The following ATP7B variants were observed in gnomAD, a reference collection of about 807,000 sequenced individuals.
ATP7B encodes ATPase copper transporting beta, also known as copper-transporting ATPase 2.
Under a neutral mutation model 118.9 loss-of-function variants are expected in ATP7B, and 113 were observed. The observed-to-expected ratio is 0.95, with a 90% CI of 0.82 to 1.11. ATP7B has a LOEUF of 1.11. ATP7B is among the 50% of genes most tolerant of loss of function. The pLI is 0.00. For synonymous variants in ATP7B, 777 were observed against 727.4 expected (o/e 1.07, Z -1.10); for missense variants, 1,867 against 1,871.4 (o/e 1.00, Z 0.04).
chr13:52,011,480 A>C, upstream of ATP7B: 2 of 984,086 alleles, frequency 2.0e-6, no homozygotes, highest in Non-Finnish European at 1.6e-6. Flanking sequence ...TCTAAAGCAA[A>C]CAGGGGTCCG....
At chr13:51,976,784 G>C (rs1466454477) in intron 1 of ATP7B, among the ~76,000 whole-genome samples, 3 of 152,146 alleles carry the variant, frequency 2.0e-5, no homozygotes, top group African/African-American at 7.2e-5. Context: ...TCTGAACATA[G>C]AAAAGGTACA....
At chr13:51,977,528 C>A (rs1952184278) in intron 1 of ATP7B, among the ~76,000 whole-genome samples, 2 of 152,152 alleles carry the variant, frequency 1.3e-5, no homozygotes, top group Non-Finnish European at 2.9e-5. Flanking sequence ...CCTATAATAA[C>A]AATGCCTTCT....
intron 15 of ATP7B, among the ~76,000 whole-genome samples, chr13:51,942,041 A>C (rs1197981711): frequency 6.6e-6 from 1 of 152,184 alleles, no homozygotes; most frequent in Non-Finnish European, 1.5e-5. Context: ...TAAATACCAG[A>C]ATTCTACCAT....
intron 5 of ATP7B, among the ~76,000 whole-genome samples, chr13:51,963,982 C>T (rs1488964735): frequency 5.3e-5 from 8 of 151,802 alleles, no homozygotes; most frequent in Admixed American, 1.3e-4. Context: ...ACCTGGGAGG[C>T]GGAGGTTGCA....
chr13:51,942,239 T>C, intron 15 of ATP7B, 147 bp downstream of exon 15: 3 of 1,240,092 alleles, frequency 2.4e-6, no homozygotes, highest in East Asian at 2.4e-5. Flanking sequence ...TAAGAGAAAC[T>C]TTCCTGGGTG....
intron 9 of ATP7B, among the ~76,000 whole-genome samples, chr13:51,950,712 A>C (rs563750444): frequency 6.6e-6 from 1 of 152,200 alleles, no homozygotes. Context: ...GAAAAAAACA[A>C]GGATAATGTG....
intron 12 of ATP7B, among the ~76,000 whole-genome samples, chr13:51,948,797 G>C (rs1237969730): frequency 6.6e-6 from 1 of 152,114 alleles, no homozygotes; most frequent in African/African-American, 2.4e-5. Context: ...TATTTCCTAA[G>C]ATAGTGTTCT....
intron 1 of ATP7B, chr13:51,975,677 G>T (rs1952077458): frequency 2.2e-6 from 1 of 451,584 alleles, no homozygotes; most frequent in Non-Finnish European, 4.5e-6. Context: ...AGGGGTGTCT[G>T]TCTGATTATC....
rs57825361 is a variant in ATP7B at position 51,991,794 on chromosome 13, C to T, written c.52-16626G>A. On this transcript the variant is annotated intron_variant, in intron 1 of 20. Coordinates refer to ENST00000242839, the MANE Select transcript of ATP7B (RefSeq NM_000053.4). ...TGATAGGAACACCTGGGCCAAAGCA[C>T]GGAGCCCCTGACTTCTACTCTGGTT... 8.7e-3 allele frequency among the ~76,000 whole-genome samples: 1,317 copies of T among 152,222 alleles called. 21 individuals carry two copies. Among genetic ancestry groups the T allele is most frequent in the African/African-American group, 0.031 (1,272 of 41,512 alleles).
In ATP7B at chr13:51,950,338, C is replaced by T; in HGVS notation, c.2509G>A (p.Gly837Arg). The part of the protein sequence containing the change: ...RGDIVKVVPG[G>R]KFPVDGKVLE... ...ACTTTCCCATCCACTGGAAACTTTC[C>T]CCCAGGGACCACCTTGACGATATCG... The change falls in exon 10 of 21, where the codon GGA becomes AGA. Residue 837 changes from glycine to arginine, a missense_variant. Physicochemically the swap from Gly to Arg is moderately radical, Grantham distance 125. Coordinates refer to ENST00000242839, the MANE Select transcript of ATP7B (RefSeq NM_000053.4). 1 of 1,614,164 alleles carries T rather than the reference C, an allele frequency of 6.2e-7. No individual in the cohort carries two copies. The highest frequency in any genetic ancestry group is 1.6e-4 in the Middle Eastern group (1 of 6,062).
chr13:51,941,332 C>T, intron 15 of ATP7B, 108 bp from the exon 16 acceptor site: 1 of 1,409,082 alleles, frequency 7.1e-7, no homozygotes, highest in Non-Finnish European at 9.9e-7. Flanking sequence ...TTCTGAAAAA[C>T]TGTAACCTTG....
chr13:51,945,553 T>C (rs1957593054), intron 13 of ATP7B, among the ~76,000 whole-genome samples: 1 of 152,186 alleles, frequency 6.6e-6, no homozygotes, highest in African/African-American at 2.4e-5. Context: ...AGCACCCTTG[T>C]CCCTGAGTCG....
At chr13:51,943,221 A>G (rs1029773770) in intron 14 of ATP7B, among the ~76,000 whole-genome samples, 32 of 152,116 alleles carry the variant, frequency 2.1e-4, no homozygotes, top group Admixed American at 6.5e-5. Flanking sequence ...GACAACCTAG[A>G]ACTGTGGCAA....
intron 16 of ATP7B, 24 bp downstream of exon 16, chr13:51,941,057 A>T: frequency 6.2e-7 from 1 of 1,614,184 alleles, no homozygotes; most frequent in Non-Finnish European, 8.5e-7. Context: ...GAGAGAGCGG[A>T]AGGAAGGCAG....
At chr13:51,969,132 T>C (rs948736988) in intron 3 of ATP7B, among the ~76,000 whole-genome samples, 2 of 151,652 alleles carry the variant, frequency 1.3e-5, no homozygotes, top group African/African-American at 4.8e-5. Flanking sequence ...GCATCATTTT[T>C]TTTTAAAAAA....
chr13:51,997,627 AG>A, intron 1 of ATP7B, among the ~76,000 whole-genome samples: 1 of 152,174 alleles, frequency 6.6e-6, no homozygotes, highest in Admixed American at 6.5e-5. Context: ...GGAGTTTCTG[AG>A]GAGAGAACTC....
In ATP7B at chr13:52,011,368, ATCTG is replaced by A. The variant is rs1566688156; in HGVS notation, c.-35_-32del. ...CGCACGGACACCGAATTCTTCTCTG[ATCTG>A]GCTCAGAGCAAAAGGTCACCTGGTC... On this transcript the variant is annotated 5_prime_UTR_variant, in exon 1 of 21. Coordinates refer to ENST00000242839, the MANE Select transcript of ATP7B (RefSeq NM_000053.4). 4 of 1,613,998 alleles carry A rather than the reference ATCTG, an allele frequency of 2.5e-6. No individual in the cohort carries two copies. In the African/African-American group the frequency reaches 4.0e-5, roughly 16 times the overall value.
chr13:52,003,086 T>C (rs1953594975), intron 1 of ATP7B, among the ~76,000 whole-genome samples: 1 of 152,226 alleles, frequency 6.6e-6, no homozygotes, highest in Admixed American at 6.5e-5. Context: ...TTCTTATCAT[T>C]TATCTGTTCA....
intron 8 of ATP7B, 169 bp downstream of exon 8, chr13:51,958,142 C>T (rs571782875): frequency 1.3e-6 from 1 of 745,172 alleles, no homozygotes; most frequent in Admixed American, 2.6e-5. Flanking sequence ...GAAGTAGTGA[C>T]CAATTTGGAG....
Sources: gnomAD v4.1 joint callset for allele counts (sites outside exome capture counted in the v4.1 genomes callset) on GRCh38, gnomAD v4.1.1 for gene constraint, MANE v1.5 for transcripts, NCBI Gene and HGNC (gene_info 2026-07-23, HGNC 2026-07-21) for gene names.